Variants in UBE3D observed in about 807,000 individuals in gnomAD.
UBE3D encodes the protein ubiquitin protein ligase E3D, also known as E3 ubiquitin-protein ligase E3D.
A neutral mutation model predicts 49.6 loss-of-function variants in UBE3D; 48 were observed. That is an observed-to-expected ratio of 0.97 (90% confidence interval 0.77 to 1.23). UBE3D has a LOEUF of 1.23. Among genes scored for constraint, UBE3D ranks in the 50% most tolerant of loss-of-function variants. The pLI, the probability that UBE3D is intolerant of heterozygous loss-of-function variation, is 0.00. For synonymous variants in UBE3D, 189 were observed against 174.2 expected, an observed-to-expected ratio of 1.08 and a Z score of -0.67; for missense variants, 452 against 468.4, an observed-to-expected ratio of 0.96 and a Z score of 0.32.
At chr6:82,968,423 A>G (rs1777107234) in intron 8 of UBE3D, among the ~76,000 whole-genome samples, 1 of 149,842 alleles carries the variant, frequency 6.7e-6, no homozygotes, top group African/African-American at 2.4e-5. Flanking sequence ...TGGCTATATA[A>G]CACATCAAGG....
chr6:82,931,061 T>C (rs1774107061), intron 9 of UBE3D, among the ~76,000 whole-genome samples: 1 of 152,206 alleles, frequency 6.6e-6, no homozygotes, highest in Non-Finnish European at 1.5e-5. Context: ...CCCCGCATCC[T>C]AGCTGCTCCA....
chr6:82,884,540 T>C, the UBE3D span, among the ~76,000 whole-genome samples: 1 of 152,180 alleles, frequency 6.6e-6, no homozygotes, highest in Non-Finnish European at 1.5e-5. Flanking sequence ...TTTCACCTCA[T>C]TGTCTACTCC....
intron 8 of UBE3D, among the ~76,000 whole-genome samples, chr6:82,988,709 C>CT (rs1778690231): frequency 6.6e-6 from 1 of 152,140 alleles, no homozygotes; most frequent in Non-Finnish European, 1.5e-5. Flanking sequence ...TGCCATGTGC[C>CT]ATTTCCTTTC....
rs564208946 is a variant in UBE3D, at chr6:82,970,546, C to T, written c.1011-13096G>A. On this transcript the variant is annotated intron_variant, in intron 8 of 9. Coordinates refer to ENST00000369747, the MANE Select transcript of UBE3D (RefSeq NM_198920.3). Reference sequence around the variant, plus strand: ...GGCCTCAATGACAATATAGTTAAAACTAGGGACTCTGGGCCGGGCGCTGTG... The same window carrying T: ...GGCCTCAATGACAATATAGTTAAAATTAGGGACTCTGGGCCGGGCGCTGTG... 1.1e-3 allele frequency among the ~76,000 whole-genome samples: 163 copies of T among 152,206 alleles called. 1 individual carries two copies. Among genetic ancestry groups the T allele is most frequent in the African/African-American group, 3.8e-3 (158 of 41,540 alleles).
At chr6:82,931,691 T>A (rs569244431) in intron 9 of UBE3D, among the ~76,000 whole-genome samples, 1 of 152,334 alleles carries the variant, frequency 6.6e-6, no homozygotes, top group Non-Finnish European at 1.5e-5. Flanking sequence ...TTGGAATGGG[T>A]GTATTTACCC....
At chr6:82,923,359 C>A (rs1312648643) in intron 9 of UBE3D, among the ~76,000 whole-genome samples, 2 of 152,210 alleles carry the variant, frequency 1.3e-5, no homozygotes, top group Non-Finnish European at 2.9e-5. Context: ...CACATATAAA[C>A]CATAGAATAC....
chr6:83,064,558 G>A (rs1396718572), intron 1 of UBE3D, among the ~76,000 whole-genome samples: 1 of 152,116 alleles, frequency 6.6e-6, no homozygotes, highest in Non-Finnish European at 1.5e-5. Flanking sequence ...CAAGGGAACT[G>A]TGAAAGGCCC....
At chr6:82,942,896 A>T (rs1408296599) in intron 9 of UBE3D, among the ~76,000 whole-genome samples, 1 of 152,172 alleles carries the variant, frequency 6.6e-6, no homozygotes, top group African/African-American at 2.4e-5. Flanking sequence ...CTGTGAGAAG[A>T]GGGCCACCAT....
At chr6:82,952,432 AT>A (rs200187722) in intron 9 of UBE3D, among the ~76,000 whole-genome samples, 23,897 of 147,870 alleles carry the variant, frequency 0.16, 1,906 homozygotes, top group African/African-American at 0.17. Flanking sequence ...TTAATATCTA[AT>A]TTTTTTTTTT....
intron 1 of UBE3D, among the ~76,000 whole-genome samples, chr6:83,058,700 G>C (rs1783973708): frequency 6.6e-6 from 1 of 152,248 alleles, no homozygotes; most frequent in Non-Finnish European, 1.5e-5. Flanking sequence ...AGTGCAGACA[G>C]CAAGCCATTT....
rs541335342 is a variant in UBE3D at position 82,964,169 on chromosome 6, G to A, written c.1011-6719C>T. On this transcript the variant is annotated intron_variant, in intron 8 of 9. Coordinates refer to ENST00000369747, the MANE Select transcript of UBE3D (RefSeq NM_198920.3). ...CAAAATTCCCTAGAGAAGCAACTAC[G>A]GCCTATCTATTTTCAAAGAGGCATT... Among the ~76,000 whole-genome samples, 13 of 152,022 alleles carry A rather than the reference G, an allele frequency of 8.6e-5. No individual in the cohort carries two copies. In the South Asian group the frequency reaches 2.3e-3, roughly 27 times the overall value.
At chr6:82,956,745 A>G (rs1233511853) in intron 9 of UBE3D, among the ~76,000 whole-genome samples, 1 of 152,174 alleles carries the variant, frequency 6.6e-6, no homozygotes, top group African/African-American at 2.4e-5. Flanking sequence ...GCTGGAGAGA[A>G]AGCCTGGAGT....
intron 9 of UBE3D, among the ~76,000 whole-genome samples, chr6:82,908,958 GC>G (rs1392201159): frequency 6.6e-6 from 1 of 152,182 alleles, no homozygotes; most frequent in Non-Finnish European, 1.5e-5. Context: ...GGAAGCCTCA[GC>G]ATTTCACTTG....
intron 8 of UBE3D, among the ~76,000 whole-genome samples, chr6:82,982,662 G>A (rs1250500918): frequency 1.3e-5 from 2 of 152,084 alleles, no homozygotes; most frequent in Admixed American, 6.6e-5. Context: ...TTATAGGTGG[G>A]GTTATACACT....
chr6:82,908,498 G>C (rs1158694481), intron 9 of UBE3D, among the ~76,000 whole-genome samples: 1 of 152,022 alleles, frequency 6.6e-6, no homozygotes, highest in East Asian at 1.9e-4. Context: ...ATTCATCCTT[G>C]TAACCAAAAA....
At chr6:83,002,215 G>A (rs952693731) in intron 8 of UBE3D, among the ~76,000 whole-genome samples, 5 of 152,170 alleles carry the variant, frequency 3.3e-5, no homozygotes, top group African/African-American at 1.2e-4. Flanking sequence ...TTCAGCAAAA[G>A]AATACTGTTC....
intron 8 of UBE3D, among the ~76,000 whole-genome samples, chr6:82,980,436 G>T (rs1451546973): frequency 1.3e-5 from 2 of 151,766 alleles, no homozygotes; most frequent in African/African-American, 4.8e-5. Context: ...GTTATTTGGG[G>T]TTTTTTGTTG....
chr6:82,895,645 A>G (rs919271914), intron 9 of UBE3D, among the ~76,000 whole-genome samples: 1 of 152,188 alleles, frequency 6.6e-6, no homozygotes, highest in African/African-American at 2.4e-5. Flanking sequence ...GCACAGTCCT[A>G]TGGTTTAGTA....
At chr6:83,049,966 A>G (rs1783356056) in intron 3 of UBE3D, among the ~76,000 whole-genome samples, 3 of 152,200 alleles carry the variant, frequency 2.0e-5, no homozygotes, top group African/African-American at 7.2e-5. Context: ...GAGCATAATA[A>G]AAAATTACAT....
Sources: allele counts gnomAD v4.1 joint callset (sites outside exome capture counted in the v4.1 genomes callset), GRCh38; gene constraint gnomAD v4.1.1; transcripts MANE v1.5; gene names NCBI Gene and HGNC (gene_info 2026-07-23, HGNC 2026-07-21).